HCN1: variants seen among roughly 807,000 people sequenced by gnomAD.
HCN1 encodes the protein hyperpolarization activated cyclic nucleotide gated potassium channel 1.
HCN1 carries 13 observed loss-of-function variants against 78.9 expected under a neutral mutation model. That is an observed-to-expected ratio of 0.16 (90% confidence interval 0.11 to 0.26). HCN1 has a LOEUF of 0.26. Among genes scored for constraint, HCN1 ranks in the 10% least tolerant of loss-of-function variants. The pLI is 1.00. For synonymous variants in HCN1, 552 were observed against 455.5 expected, an observed-to-expected ratio of 1.21 and a Z score of -2.70; for missense variants, 810 against 1,154.3, an observed-to-expected ratio of 0.70 and a Z score of 4.32.
chr5:45,321,388 A>C (rs931358725), intron 5 of HCN1, among the ~76,000 whole-genome samples: 1 of 151,766 alleles, frequency 6.6e-6, no homozygotes, highest in Non-Finnish European at 1.5e-5. Context: ...TAGAGAGAGG[A>C]AAAGTATTGC....
chr5:45,268,345 C>G, intron 6 of HCN1, among the ~76,000 whole-genome samples: 1 of 152,042 alleles, frequency 6.6e-6, no homozygotes, highest in Non-Finnish European at 1.5e-5. Flanking sequence ...CTACTGTAGG[C>G]TTTGATTATT....
chr5:45,529,303 A>T (rs1220848332), intron 2 of HCN1, among the ~76,000 whole-genome samples: 1 of 152,002 alleles, frequency 6.6e-6, no homozygotes, highest in African/African-American at 2.4e-5. Context: ...TTTATGAGCT[A>T]ATTAGTCCCT....
chr5:45,492,639 T>C (rs891398225), intron 2 of HCN1, among the ~76,000 whole-genome samples: 3 of 149,624 alleles, frequency 2.0e-5, no homozygotes, highest in African/African-American at 4.9e-5. Flanking sequence ...TAACTGGGGC[T>C]ACAGGCTCGC....
intron 5 of HCN1, among the ~76,000 whole-genome samples, chr5:45,327,567 G>C (rs986905957): frequency 3.3e-5 from 5 of 151,564 alleles, no homozygotes; most frequent in Non-Finnish European, 7.4e-5. Flanking sequence ...ACTTTAGTTA[G>C]ATTTTTATGG....
intron 3 of HCN1, among the ~76,000 whole-genome samples, chr5:45,449,346 A>C (rs1321840057): frequency 6.6e-6 from 1 of 152,158 alleles, no homozygotes; most frequent in Admixed American, 6.5e-5. Flanking sequence ...TATTTTGTTT[A>C]ACTTTACTTG....
At chr5:45,275,671 A>G (rs1033688259) in intron 6 of HCN1, among the ~76,000 whole-genome samples, 2 of 152,164 alleles carry the variant, frequency 1.3e-5, no homozygotes, top group Non-Finnish European at 2.9e-5. Flanking sequence ...TAAAATACCT[A>G]ATGGATATTA....
At chr5:45,569,754 A>C (rs1743786333) in intron 2 of HCN1, among the ~76,000 whole-genome samples, 1 of 152,084 alleles carries the variant, frequency 6.6e-6, no homozygotes, top group South Asian at 2.1e-4. Flanking sequence ...TTTAAAGTTT[A>C]AAATTAGTAA....
At position 45,326,494 on chromosome 5, in the gene HCN1, TAGGC is replaced by T. The variant is rs1746236487; in HGVS notation, c.1378-22659_1378-22656del. On this transcript the variant is annotated intron_variant, in intron 5 of 7. Coordinates refer to ENST00000303230, the MANE Select transcript of HCN1 (RefSeq NM_021072.4). ...TTAATTATAGTTATATTAAGAAAAA[TAGGC>T]AGGAAGAGAAATAGACTGCAATAGC... Among the ~76,000 whole-genome samples, 4 of 151,656 alleles carry T rather than the reference TAGGC, an allele frequency of 2.6e-5. No homozygotes were observed. The South Asian group carries it at 6.2e-4, about 24-fold the overall frequency.
At chr5:45,543,149 T>C (rs1454376988) in intron 2 of HCN1, among the ~76,000 whole-genome samples, 1 of 152,130 alleles carries the variant, frequency 6.6e-6, no homozygotes, top group East Asian at 1.9e-4. Context: ...TAAGTTTATA[T>C]GTGTATTCAT....
At chr5:45,426,947 T>C (rs2112073087) in intron 3 of HCN1, among the ~76,000 whole-genome samples, 1 of 152,178 alleles carries the variant, frequency 6.6e-6, no homozygotes, top group South Asian at 2.1e-4. Context: ...TACTCAACAG[T>C]CTTGCAATGT....
chr5:45,554,729 G>T (rs1235276328), intron 2 of HCN1, among the ~76,000 whole-genome samples: 1 of 151,756 alleles, frequency 6.6e-6, no homozygotes, highest in African/African-American at 2.4e-5. Context: ...AATTGCCCAT[G>T]AATAATCAGT....
At chr5:45,348,640 C>A (rs1397732213) in intron 5 of HCN1, among the ~76,000 whole-genome samples, 1 of 152,020 alleles carries the variant, frequency 6.6e-6, no homozygotes, top group African/African-American at 2.4e-5. Flanking sequence ...TGCAGAGACA[C>A]ACATAACATA....
chr5:45,365,715 A>T (rs1309026568), intron 4 of HCN1, among the ~76,000 whole-genome samples: 1 of 151,818 alleles, frequency 6.6e-6, no homozygotes, highest in Non-Finnish European at 1.5e-5. Flanking sequence ...AAGCAGTGGG[A>T]TTACTGGGTT....
intron 2 of HCN1, among the ~76,000 whole-genome samples, chr5:45,499,595 G>A (rs554433941): frequency 5.3e-5 from 8 of 152,082 alleles, no homozygotes. Context: ...GTTCCTTTTT[G>A]GCCATCTTGG....
In HCN1 at chr5:45,278,423, A is replaced by G. The variant is rs1169406687; in HGVS notation, c.1619-11170T>C. On this transcript the variant is annotated intron_variant, in intron 6 of 7. Coordinates refer to ENST00000303230, the MANE Select transcript of HCN1 (RefSeq NM_021072.4). ...GAAAAAATTTATTAGGCAAATAAAGAAATCCTATTACCACTGCCCAATCAA... is the reference window on the plus strand; with the variant it reads ...GAAAAAATTTATTAGGCAAATAAAGGAATCCTATTACCACTGCCCAATCAA... Among the ~76,000 whole-genome samples, 6 of 152,288 alleles carry G rather than the reference A, an allele frequency of 3.9e-5. No individual in the cohort carries two copies. In the East Asian group the frequency reaches 1.2e-3, roughly 29 times the overall value.
chr5:45,556,340 G>A (rs960235893), intron 2 of HCN1, among the ~76,000 whole-genome samples: 4 of 151,762 alleles, frequency 2.6e-5, no homozygotes, highest in Non-Finnish European at 5.9e-5. Context: ...TCTAGATGTC[G>A]GCATAAAAAG....
intron 2 of HCN1, among the ~76,000 whole-genome samples, chr5:45,604,649 G>C (rs187137978): frequency 3.9e-5 from 6 of 151,996 alleles, no homozygotes. Context: ...TGATTCACTT[G>C]AGCTAATGAA....
intron 1 of HCN1, among the ~76,000 whole-genome samples, chr5:45,664,119 T>C (rs1421207992): frequency 3.7e-5 from 3 of 81,402 alleles, no homozygotes; most frequent in African/African-American, 5.0e-5. Flanking sequence ...CATGGAATAC[T>C]ATGCAGCCAT....
intron 5 of HCN1, among the ~76,000 whole-genome samples, chr5:45,349,070 A>AT (rs992963674): frequency 1.1e-4 from 17 of 152,120 alleles, no homozygotes; most frequent in Non-Finnish European, 2.1e-4. Context: ...TAGAATATAC[A>AT]TTTTTTTCAG....
Sources: gnomAD v4.1 joint callset for allele counts (sites outside exome capture counted in the v4.1 genomes callset) on GRCh38, gnomAD v4.1.1 for gene constraint, MANE v1.5 for transcripts, NCBI Gene and HGNC (gene_info 2026-07-23, HGNC 2026-07-21) for gene names.